Variants in TMEM156 observed in about 807,000 individuals in gnomAD.
TMEM156 encodes transmembrane protein 156.
Under a neutral mutation model 30.5 loss-of-function variants are expected in TMEM156, and 28 were observed. The observed-to-expected ratio is 0.92, with a 90% CI of 0.68 to 1.26. The LOEUF is 1.26. TMEM156 is among the 50% of genes most tolerant of loss of function. TMEM156 has a pLI of 0.00. For missense variants in TMEM156, 351 were observed against 340.6 expected, an observed-to-expected ratio of 1.03 and a Z score of -0.24; for synonymous variants, 137 against 119.9, an observed-to-expected ratio of 1.14 and a Z score of -0.93.
chr4:38,975,788 G>A (rs996440772), intron 5 of TMEM156, among the ~76,000 whole-genome samples: 3 of 152,084 alleles, frequency 2.0e-5, no homozygotes, highest in African/African-American at 7.2e-5. Flanking sequence ...CTTGAGCGTG[G>A]GCAAGACCAT....
intron 1 of TMEM156, among the ~76,000 whole-genome samples, chr4:39,027,375 T>G (rs1187690003): frequency 6.6e-6 from 1 of 152,180 alleles, no homozygotes; most frequent in Non-Finnish European, 1.5e-5. Context: ...AGTTGCTTTA[T>G]CCTTTGTTTT....
At chr4:39,001,405 A>T (rs1040872079) in intron 1 of TMEM156, among the ~76,000 whole-genome samples, 2 of 151,392 alleles carry the variant, frequency 1.3e-5, no homozygotes, top group Admixed American at 6.6e-5. Flanking sequence ...AGAAAAAAAA[A>T]AAAGAAAGAA....
At chr4:39,021,058 G>A (rs1038898900) in intron 1 of TMEM156, among the ~76,000 whole-genome samples, 1 of 152,116 alleles carries the variant, frequency 6.6e-6, no homozygotes, top group African/African-American at 2.4e-5. Context: ...CTGATGATTA[G>A]CGATGTTGAG....
chr4:39,025,431 T>C (rs998245570), intron 1 of TMEM156, among the ~76,000 whole-genome samples: 6 of 152,054 alleles, frequency 3.9e-5, no homozygotes, highest in African/African-American at 1.4e-4. Context: ...TATTTCAATT[T>C]GGAGGCCAAT....
intron 2 of TMEM156, among the ~76,000 whole-genome samples, chr4:38,998,233 G>C (rs1015980752): frequency 6.6e-6 from 1 of 152,104 alleles, no homozygotes; most frequent in African/African-American, 2.4e-5. Context: ...GAATGTTCCA[G>C]TGCCACTGGA....
At chr4:39,023,137 T>G (rs567011823) in intron 1 of TMEM156, among the ~76,000 whole-genome samples, 1 of 152,244 alleles carries the variant, frequency 6.6e-6, no homozygotes, top group African/African-American at 2.4e-5. Context: ...AACTAGTCCA[T>G]CCTGTAAGAA....
intron 3 of TMEM156, among the ~76,000 whole-genome samples, chr4:38,990,043 C>T (rs1007129040): frequency 1.3e-5 from 2 of 152,212 alleles, no homozygotes; most frequent in African/African-American, 4.8e-5. Flanking sequence ...AATCCACCCG[C>T]CTCGGCCTCC....
intron 1 of TMEM156, among the ~76,000 whole-genome samples, chr4:39,013,123 A>C (rs1368824249): frequency 6.6e-6 from 1 of 151,202 alleles, no homozygotes; most frequent in Non-Finnish European, 1.5e-5. Flanking sequence ...ACAAAGTGAG[A>C]CCTCGTCTCT....
chr4:38,984,416 A>T (rs2109908135), intron 5 of TMEM156, among the ~76,000 whole-genome samples: 1 of 150,604 alleles, frequency 6.6e-6, no homozygotes, highest in South Asian at 2.1e-4. Context: ...TGCATGAACA[A>T]ATGGAGAGAC....
chr4:39,015,549 C>T (rs1714420594), intron 1 of TMEM156, among the ~76,000 whole-genome samples: 1 of 152,212 alleles, frequency 6.6e-6, no homozygotes, highest in Non-Finnish European at 1.5e-5. Context: ...AAAAGGAACA[C>T]AGTCTTACTG....
chr4:38,984,617 C>T (rs777895950), intron 5 of TMEM156, among the ~76,000 whole-genome samples: 13 of 151,968 alleles, frequency 8.6e-5, no homozygotes, highest in South Asian at 2.1e-4. Context: ...GCCTTAAAAA[C>T]TGCACTCAAG....
chr4:38,973,948 A>C (rs1722725707), intron 5 of TMEM156, among the ~76,000 whole-genome samples: 1 of 152,172 alleles, frequency 6.6e-6, no homozygotes, highest in Non-Finnish European at 1.5e-5. Context: ...TTTTAGTATA[A>C]CCAACCATTT....
chr4:39,001,389 A>G (rs1713347263), intron 1 of TMEM156, among the ~76,000 whole-genome samples: 1 of 150,460 alleles, frequency 6.6e-6, no homozygotes, highest in Admixed American at 6.6e-5. Flanking sequence ...TCCATCTAAA[A>G]AAAAAAGAAA....
In TMEM156 at chr4:38,974,083, GTA is replaced by G. The variant is rs1169502880; in HGVS notation, c.824-2948_824-2947del. Among the ~76,000 whole-genome samples, 10 of 148,206 alleles carry G rather than the reference GTA, an allele frequency of 6.7e-5. No homozygotes were observed. In the East Asian group the frequency reaches 7.9e-4, roughly 12 times the overall value. ...CGTGTGTGTGTGTGTGTGTGTGTGTGTATGTGTGTGTGTGTTATTTTTAAACT... is the reference window on the plus strand; with the variant it reads ...CGTGTGTGTGTGTGTGTGTGTGTGTGTGTGTGTGTGTGTTATTTTTAAACT... On this transcript the variant is annotated intron_variant, in intron 5 of 6. Transcript: ENST00000381938.
chr4:38,977,074 T>G (rs896573126), intron 5 of TMEM156, among the ~76,000 whole-genome samples: 2 of 152,100 alleles, frequency 1.3e-5, no homozygotes, highest in Non-Finnish European at 2.9e-5. Context: ...CCGGCTAATT[T>G]TTGTATTTTT....
At chr4:38,992,723 TA>T (rs1712595794) in intron 3 of TMEM156, among the ~76,000 whole-genome samples, 1 of 50,704 alleles carries the variant, frequency 2.0e-5, no homozygotes, top group Admixed American at 2.3e-4. Flanking sequence ...TATATATATA[TA>T]ATATATATAT....
chr4:39,014,225 C>T (rs563658787), intron 1 of TMEM156, among the ~76,000 whole-genome samples: 62 of 152,130 alleles, frequency 4.1e-4, no homozygotes, highest in Admixed American at 1.6e-3. Flanking sequence ...CCATGTATTA[C>T]GACATCAAAA....
chr4:39,028,836 T>C (rs1361009781), intron 1 of TMEM156, among the ~76,000 whole-genome samples: 1 of 152,234 alleles, frequency 6.6e-6, no homozygotes, highest in Non-Finnish European at 1.5e-5. Flanking sequence ...TTAACTACTA[T>C]ATCTTAGCTG....
At chr4:38,989,244 T>C (rs1010089249) in intron 3 of TMEM156, among the ~76,000 whole-genome samples, 5 of 152,268 alleles carry the variant, frequency 3.3e-5, no homozygotes, top group Non-Finnish European at 7.3e-5. Context: ...ATGCTGATAT[T>C]AGTTTCACTA....
Sources: allele counts gnomAD v4.1 joint callset (sites outside exome capture counted in the v4.1 genomes callset), GRCh38; gene constraint gnomAD v4.1.1; transcripts MANE v1.5; gene names NCBI Gene and HGNC (gene_info 2026-07-23, HGNC 2026-07-21).